Variants in TENT4A observed in about 807,000 individuals in gnomAD.
TENT4A encodes terminal nucleotidyltransferase 4A.
TENT4A carries 7 observed loss-of-function variants against 72.8 expected under a neutral mutation model. The observed-to-expected ratio is 0.10, with a 90% CI of 0.05 to 0.18. TENT4A has a LOEUF of 0.18. Among genes scored for constraint, TENT4A ranks in the 10% least tolerant of loss-of-function variants. The pLI, the probability that TENT4A is intolerant of heterozygous loss-of-function variation, is 1.00. For missense variants in TENT4A, 831 were observed against 1,017.7 expected, an observed-to-expected ratio of 0.82 and a Z score of 2.50; for synonymous variants, 456 against 434.3, an observed-to-expected ratio of 1.05 and a Z score of -0.62.
rs957858644 is a variant in TENT4A at position 6,751,375 on chromosome 5, T to C, written c.2019+178T>C. The C allele has an allele frequency of 1.1e-5, 7 of 645,200 alleles. No homozygotes were observed. The African/African-American group carries it at 1.3e-4, about 12-fold the overall frequency. 40.0% of individuals were successfully genotyped at this position (645,200 alleles called of 1,614,324 possible). A position where few individuals can be genotyped will look rare whatever the true frequency, so the allele number is the denominator to read the frequency against. ...TTTTTTGTGGTGTTGAGGTCCCCCA[T>C]GTATAGTTTCAGCAGCGAGGACACT... On this transcript the variant is annotated intron_variant, in intron 11 of 12. Coordinates refer to ENST00000230859, the MANE Select transcript of TENT4A (RefSeq NM_006999.6).
chr5:6,726,040 C>T (rs866287742), intron 1 of TENT4A, among the ~76,000 whole-genome samples: 1 of 152,124 alleles, frequency 6.6e-6, no homozygotes, highest in Non-Finnish European at 1.5e-5. Context: ...GAGGCTCAGC[C>T]TTTGTTTCTC....
chr5:6,749,800 A>T (rs999542293), intron 9 of TENT4A, 143 bp downstream of exon 9: 1 of 639,682 alleles, frequency 1.6e-6, no homozygotes, highest in African/African-American at 1.8e-5. Context: ...AGACAATAAG[A>T]TCTAGAGCAG....
chr5:6,728,587 A>G, intron 1 of TENT4A, among the ~76,000 whole-genome samples: 1 of 152,248 alleles, frequency 6.6e-6, no homozygotes, highest in East Asian at 1.9e-4. Flanking sequence ...CCAGAACTTC[A>G]TGGCCGCAGG....
chr5:6,724,082 C>A (rs1740787320), intron 1 of TENT4A, among the ~76,000 whole-genome samples: 1 of 152,216 alleles, frequency 6.6e-6, no homozygotes, highest in South Asian at 2.1e-4. Flanking sequence ...GACTATAACT[C>A]ATTTTGAAGA....
Position 6,755,204 on chromosome 5 carries a change from G to T in TENT4A, c.*259G>T, listed in dbSNP as rs565215182. 1.1e-5 allele frequency: 4 copies of T among 374,222 alleles called. No homozygotes were observed. The East Asian group carries it at 1.6e-4, about 15-fold the overall frequency. The allele number at this position is 374,222 out of a possible 1,614,324, so 23.2% of individuals were successfully genotyped here. A position where few individuals can be genotyped will look rare whatever the true frequency, so the allele number is the denominator to read the frequency against. On this transcript the variant is annotated 3_prime_UTR_variant, in exon 13 of 13. Transcript: ENST00000230859. ...GATTCTTCCTTCAGTGCTGAGGCAG[G>T]TCGGGCTCAGGAACTGCAGGGACGT...
At chr5:6,750,892 T>C (rs1205423171) in intron 10 of TENT4A, 147 bp from the exon 11 acceptor site, 2 of 786,876 alleles carry the variant, frequency 2.5e-6, no homozygotes, top group Non-Finnish European at 4.1e-6. Flanking sequence ...CTGGGTAGGT[T>C]TGGGCTGCCT....
chr5:6,725,505 A>C (rs1271769496), intron 1 of TENT4A, among the ~76,000 whole-genome samples: 2 of 152,188 alleles, frequency 1.3e-5, no homozygotes, highest in Admixed American at 1.3e-4. Flanking sequence ...TCTGTCAACC[A>C]AACAGGAGGA....
At chr5:6,722,758 C>G (rs1740724650) in intron 1 of TENT4A, among the ~76,000 whole-genome samples, 1 of 152,048 alleles carries the variant, frequency 6.6e-6, no homozygotes, top group South Asian at 2.1e-4. Flanking sequence ...GTTTTCTGAA[C>G]TCTTTGCAGC....
intron 1 of TENT4A, among the ~76,000 whole-genome samples, chr5:6,730,095 GC>G (rs3215068): frequency 0.57 from 86,394 of 151,012 alleles, 25,219 homozygotes; most frequent in Middle Eastern, 0.65. Context: ...TTGTTTCTCC[GC>G]CCCCCCCCGG....
intron 1 of TENT4A, among the ~76,000 whole-genome samples, chr5:6,717,081 C>T (rs539929023): frequency 6.6e-6 from 1 of 152,304 alleles, no homozygotes; most frequent in East Asian, 1.9e-4. Flanking sequence ...GAGGTAAGGT[C>T]CCCCCTGTGA....
chr5:6,743,356 T>C (rs1672458098), intron 5 of TENT4A, among the ~76,000 whole-genome samples: 1 of 152,144 alleles, frequency 6.6e-6, no homozygotes, highest in Non-Finnish European at 1.5e-5. Flanking sequence ...CACTCTGCTC[T>C]CCTGCTCCGG....
At chr5:6,726,405 A>G (rs950547083) in intron 1 of TENT4A, among the ~76,000 whole-genome samples, 1 of 152,118 alleles carries the variant, frequency 6.6e-6, no homozygotes, top group Non-Finnish European at 1.5e-5. Flanking sequence ...AATGTGGTTC[A>G]TGCTTCTGGT....
At position 6,755,071 on chromosome 5, in the gene TENT4A, C is replaced by G; in HGVS notation, c.*126C>G. 1 of 737,834 alleles carries G rather than the reference C, an allele frequency of 1.4e-6. No individual in the cohort carries two copies. The highest frequency in any genetic ancestry group is 2.1e-6 in the Non-Finnish European group (1 of 475,728). The allele number at this position is 737,834 out of a possible 1,614,324, so 45.7% of individuals were successfully genotyped here. A position where few individuals can be genotyped will look rare whatever the true frequency, so the allele number is the denominator to read the frequency against. ...GGCTCGCGGCACGCCCGCCGCTGAT[C>G]ACTCTGCATGTTTCTTCGTGTGGTG... On this transcript the variant is annotated 3_prime_UTR_variant, in exon 13 of 13. Transcript: ENST00000230859.
chr5:6,722,045 C>T (rs905988179), intron 1 of TENT4A, among the ~76,000 whole-genome samples: 6 of 152,188 alleles, frequency 3.9e-5, no homozygotes, highest in Admixed American at 3.3e-4. Context: ...CAGACCTGCT[C>T]GGTGGAGTCC....
At position 6,750,343 on chromosome 5, in the gene TENT4A, A is replaced by G; in HGVS notation, c.1700A>G (p.Lys567Arg). 6.2e-7 allele frequency: 1 copy of G among 1,610,830 alleles called. No homozygotes were observed. The highest frequency in any genetic ancestry group is 8.5e-7 in the Non-Finnish European group (1 of 1,178,638). The change falls in exon 10 of 13, where the codon AAG becomes AGG. Residue 567 changes from lysine (K) to arginine (R), a missense_variant. Coordinates refer to ENST00000230859, the MANE Select transcript of TENT4A (RefSeq NM_006999.6). ...TTTCCCTCCACAGACAGCAGGATCA[A>G]GATCAAAGAGCGAATAGCCACATGC... ...HPSPGMDSRI[K>R]IKERIATCNG... is the part of the protein sequence containing the mutation.
At chr5:6,727,493 C>G (rs1445622096) in intron 1 of TENT4A, among the ~76,000 whole-genome samples, 1 of 152,232 alleles carries the variant, frequency 6.6e-6, no homozygotes, top group East Asian at 1.9e-4. Flanking sequence ...ACACTCAGGC[C>G]TGGTCTTAGA....
chr5:6,752,792 T>C, intron 11 of TENT4A, 81 bp from the exon 12 acceptor site: 1 of 1,263,860 alleles, frequency 7.9e-7, no homozygotes, highest in Non-Finnish European at 1.1e-6. Flanking sequence ...CAGCTGCCCT[T>C]TGGTGGTGCT....
intron 4 of TENT4A, among the ~76,000 whole-genome samples, chr5:6,740,172 C>G (rs1741722511): frequency 6.6e-6 from 1 of 152,146 alleles, no homozygotes; most frequent in Admixed American, 6.5e-5. Context: ...AAACCGGACA[C>G]TGACATTCAG....
At position 6,752,926 on chromosome 5, in the gene TENT4A, A is replaced by G. The variant is rs773480450; in HGVS notation, c.2073A>G (p.Arg691=). ...TAGGGGTTGCTCCTGTTCCTTGCAGACAAGCTGGTGTAGAAGGAACTGCGT... is the reference window on the plus strand; with the variant it reads ...TAGGGGTTGCTCCTGTTCCTTGCAGGCAAGCTGGTGTAGAAGGAACTGCGT... ...PTLGVAPVPC[R]QAGVEGTASL... The change falls in exon 12 of 13, where the codon AGA becomes AGG. Residue 691 remains arginine, a synonymous_variant. Transcript: ENST00000230859. 3.7e-6 allele frequency: 6 copies of G among 1,614,078 alleles called. No homozygotes were observed. In the East Asian group the frequency reaches 1.1e-4, roughly 30 times the overall value.
Sources: gnomAD v4.1 joint callset for allele counts (sites outside exome capture counted in the v4.1 genomes callset) on GRCh38, gnomAD v4.1.1 for gene constraint, MANE v1.5 for transcripts, NCBI Gene and HGNC (gene_info 2026-07-23, HGNC 2026-07-21) for gene names.